UBE2E2: variants seen among roughly 807,000 people sequenced by gnomAD.
UBE2E2 encodes the protein ubiquitin-conjugating enzyme E2 E2.
UBE2E2 carries 6 observed loss-of-function variants against 24.7 expected under a neutral mutation model. The ratio of observed to expected loss-of-function variants is 0.24; its 90% CI spans 0.13 to 0.48. The LOEUF is 0.48. Among genes scored for constraint, UBE2E2 ranks in the 20% least tolerant of loss-of-function variants. The pLI is 0.99. For synonymous variants in UBE2E2, 104 were observed against 83.6 expected (o/e 1.24, Z -1.33); for missense variants, 169 against 245.0 (o/e 0.69, Z 2.07).
intron 3 of UBE2E2, among the ~76,000 whole-genome samples, chr3:23,350,438 G>A (rs563248877): frequency 5.9e-5 from 9 of 152,288 alleles, no homozygotes; most frequent in African/African-American, 9.6e-5. Flanking sequence ...AAACTACTCC[G>A]AGCTACAGGA....
intron 3 of UBE2E2, among the ~76,000 whole-genome samples, chr3:23,254,897 T>C (rs1476590981): frequency 6.6e-6 from 1 of 151,654 alleles, no homozygotes; most frequent in Non-Finnish European, 1.5e-5. Flanking sequence ...TCAGCTTCTT[T>C]AAGGCTTTTT....
intron 3 of UBE2E2, among the ~76,000 whole-genome samples, chr3:23,374,015 A>G (rs533566751): frequency 6.6e-6 from 1 of 152,340 alleles, no homozygotes; most frequent in Non-Finnish European, 1.5e-5. Context: ...TTACTATGAT[A>G]TAATTCCTAC....
intron 3 of UBE2E2, among the ~76,000 whole-genome samples, chr3:23,495,832 A>G (rs552017172): frequency 6.6e-6 from 1 of 152,136 alleles, no homozygotes; most frequent in Non-Finnish European, 1.5e-5. Context: ...GGAATGCTGT[A>G]CTCTAGTCCC....
intron 3 of UBE2E2, among the ~76,000 whole-genome samples, chr3:23,256,726 CA>C (rs1360421010): frequency 1.3e-5 from 2 of 151,296 alleles, no homozygotes; most frequent in Non-Finnish European, 3.0e-5. Context: ...CAGTGCGTTA[CA>C]TATTTGATTT....
At chr3:23,505,603 T>C (rs993083543) in intron 4 of UBE2E2, among the ~76,000 whole-genome samples, 4 of 152,232 alleles carry the variant, frequency 2.6e-5, no homozygotes, top group Non-Finnish European at 5.9e-5. Context: ...GTAAAGTGTC[T>C]GTAAGTGAAA....
chr3:23,355,120 A>G (rs1224749456), intron 3 of UBE2E2, among the ~76,000 whole-genome samples: 14 of 151,868 alleles, frequency 9.2e-5, no homozygotes, highest in Admixed American at 7.2e-4. Flanking sequence ...TCAGTAAACT[A>G]TCACAAGGAC....
At chr3:23,418,865 A>G (rs1156423011) in intron 3 of UBE2E2, among the ~76,000 whole-genome samples, 3 of 152,158 alleles carry the variant, frequency 2.0e-5, no homozygotes, top group African/African-American at 7.2e-5. Context: ...TGATACTTAA[A>G]TATGGTTAAA....
intron 3 of UBE2E2, among the ~76,000 whole-genome samples, chr3:23,436,542 A>G (rs1304426012): frequency 1.3e-5 from 2 of 150,228 alleles, no homozygotes; most frequent in Non-Finnish European, 2.9e-5. Flanking sequence ...ATAAGTTCTA[A>G]TTATATCTTG....
At chr3:23,484,819 C>T (rs977995641) in intron 3 of UBE2E2, among the ~76,000 whole-genome samples, 1 of 152,104 alleles carries the variant, frequency 6.6e-6, no homozygotes, top group African/African-American at 2.4e-5. Context: ...ACCATCAGAT[C>T]TCGTGAGGCT....
At chr3:23,528,359 A>G (rs1160765127) in intron 4 of UBE2E2, among the ~76,000 whole-genome samples, 1 of 152,178 alleles carries the variant, frequency 6.6e-6, no homozygotes, top group Non-Finnish European at 1.5e-5. Context: ...TAGCCAGAGA[A>G]AGAGAATTCA....
intron 3 of UBE2E2, among the ~76,000 whole-genome samples, chr3:23,494,272 C>A (rs1481525266): frequency 6.6e-6 from 1 of 152,008 alleles, no homozygotes; most frequent in Admixed American, 6.6e-5. Flanking sequence ...CTCCTGACAG[C>A]CAGACTAAAG....
chr3:23,412,531 G>T (rs1335243771), intron 3 of UBE2E2, among the ~76,000 whole-genome samples: 1 of 152,124 alleles, frequency 6.6e-6, no homozygotes, highest in African/African-American at 2.4e-5. Flanking sequence ...CTACTGGTTA[G>T]TAGAACAGTA....
In UBE2E2 at chr3:23,289,858, C is replaced by T. The variant is rs149827973; in HGVS notation, c.227+72546C>T. On this transcript the variant is annotated intron_variant, in intron 3 of 5. Transcript: ENST00000396703. ...AAGTTGTTTTATTTTAAATTTCTAC[C>T]GTAGGAACAGAATGGTTCTGTAAAA... Among the ~76,000 whole-genome samples the T allele has an allele frequency of 2.5e-3, 382 of 152,126 alleles. 3 individuals carry two copies. The highest frequency in any genetic ancestry group is 8.8e-3 in the African/African-American group (367 of 41,502).
intron 3 of UBE2E2, among the ~76,000 whole-genome samples, chr3:23,439,707 T>G (rs551472406): frequency 3.1e-4 from 47 of 152,210 alleles, no homozygotes; most frequent in Non-Finnish European, 5.6e-4. Flanking sequence ...AGATAACCTT[T>G]TATTTTAATG....
At chr3:23,371,640 C>G (rs1224565784) in intron 3 of UBE2E2, among the ~76,000 whole-genome samples, 1 of 151,870 alleles carries the variant, frequency 6.6e-6, no homozygotes, top group Non-Finnish European at 1.5e-5. Context: ...ACTCACTAAG[C>G]CAGCAATTTT....
intron 3 of UBE2E2, among the ~76,000 whole-genome samples, chr3:23,497,535 ATGTT>A (rs1453407357): frequency 1.3e-5 from 2 of 152,196 alleles, no homozygotes; most frequent in Admixed American, 6.5e-5. Context: ...TTAATACTCT[ATGTT>A]TGTGTTTGCT....
chr3:23,553,878 C>T (rs1695710367), intron 5 of UBE2E2, among the ~76,000 whole-genome samples: 1 of 151,952 alleles, frequency 6.6e-6, no homozygotes, highest in Non-Finnish European at 1.5e-5. Flanking sequence ...AATGATAAAA[C>T]ATTGATGAAA....
intron 3 of UBE2E2, chr3:23,449,938 A>G (rs568118065): frequency 2.0e-6 from 2 of 985,318 alleles, no homozygotes; most frequent in Non-Finnish European, 1.2e-6. Flanking sequence ...GAGGAAATGT[A>G]CCCCTGAAGA....
chr3:23,482,150 A>C (rs920979422), intron 3 of UBE2E2, among the ~76,000 whole-genome samples: 3 of 151,982 alleles, frequency 2.0e-5, no homozygotes, highest in African/African-American at 7.3e-5. Flanking sequence ...TCATAACTTC[A>C]CTCTTTTGAG....
Sources: gnomAD v4.1 joint callset for allele counts (sites outside exome capture counted in the v4.1 genomes callset) on GRCh38, gnomAD v4.1.1 for gene constraint, MANE v1.5 for transcripts, NCBI Gene and HGNC (gene_info 2026-07-23, HGNC 2026-07-21) for gene names.